Variants in SUPT16H observed in about 807,000 individuals in gnomAD.
The protein encoded by SUPT16H is FACT complex subunit SPT16.
A neutral mutation model predicts 136.2 loss-of-function variants in SUPT16H; 24 were observed. That is an observed-to-expected ratio of 0.18 (90% confidence interval 0.13 to 0.25). SUPT16H has a LOEUF of 0.25. Ranked by LOEUF, SUPT16H falls within the 10% of genes least tolerant of loss-of-function variation. The probability of loss-of-function intolerance (pLI) is 1.00; values close to 1 mark genes in which losing one functional copy is unlikely to be tolerated. For missense variants in SUPT16H, 623 were observed against 1,270.2 expected, an observed-to-expected ratio of 0.49 and a Z score of 7.74; for synonymous variants, 415 against 428.2, an observed-to-expected ratio of 0.97 and a Z score of 0.38.
Position 21,366,513 on chromosome 14 carries a change from G to A in SUPT16H, c.972C>T (p.Asp324=), listed in dbSNP as rs770961799. ...KELRHGVKIC[D]VYNAVMDVVK... is the part of the protein sequence containing the mutation. ...CCACGTCCATGACAGCGTTATACAC[G>A]TCACATATCTTCACACCTAATAACA... Residue 324 remains aspartate (D), a synonymous_variant, in exon 8 of 26, where the codon GAC becomes GAT. Transcript: ENST00000216297. 2.7e-5 allele frequency: 43 copies of A among 1,613,672 alleles called. No individual in the cohort carries two copies. The Admixed American group carries it at 5.8e-4, about 22-fold the overall frequency.
At chr14:21,376,251 GT>G (rs1886899221) in intron 1 of SUPT16H, among the ~76,000 whole-genome samples, 1 of 152,138 alleles carries the variant, frequency 6.6e-6, no homozygotes, top group Non-Finnish European at 1.5e-5. Context: ...GTACCGTGAT[GT>G]TTTGATTACT....
intron 22 of SUPT16H, 53 bp downstream of exon 22, chr14:21,357,144 C>T: frequency 1.4e-6 from 2 of 1,464,432 alleles, no homozygotes; most frequent in Non-Finnish European, 1.8e-6. Context: ...CATTCAAATT[C>T]TATAAAACAG....
At position 21,352,668 on chromosome 14, in the gene SUPT16H, A is replaced by C. The variant is rs763643586; in HGVS notation, c.*5T>G. The C allele has an allele frequency of 6.2e-7, 1 of 1,614,100 alleles. No homozygotes were observed. The highest frequency in any genetic ancestry group is 1.7e-4 in the Middle Eastern group (1 of 5,980). On this transcript the variant is annotated 3_prime_UTR_variant, in exon 26 of 26. Coordinates refer to ENST00000216297, the MANE Select transcript of SUPT16H (RefSeq NM_007192.4). Reference sequence around the variant, plus strand: ...AGAATGGAGCTCAGGGCCAAAGTTCAGAAGTTACTTCCTCTTTTTCTTGGG... The same window carrying C: ...AGAATGGAGCTCAGGGCCAAAGTTCCGAAGTTACTTCCTCTTTTTCTTGGG...
Position 21,366,598 on chromosome 14 carries a change from C to T in SUPT16H, c.956-69G>A, listed in dbSNP as rs79947883. The T allele has an allele frequency of 4.6e-3, 6,624 of 1,425,306 alleles. 256 individuals are homozygous for T. The African/African-American group carries it at 0.081, about 17-fold the overall frequency. 88.3% of individuals were successfully genotyped at this position (1,425,306 alleles called of 1,614,324 possible). The stretch of plus-strand genomic sequence containing the variant: ...AAAAAACTCAGTAACATTTTAAAAT[C>T]AAAATTTATGTCCCCTAAAGCAGTG... On this transcript the variant is annotated intron_variant, in intron 7 of 25. Coordinates refer to ENST00000216297, the MANE Select transcript of SUPT16H (RefSeq NM_007192.4).
At chr14:21,362,415 A>G in intron 14 of SUPT16H, 91 bp from the exon 15 acceptor site, 1 of 1,289,644 alleles carries the variant, frequency 7.8e-7, no homozygotes, top group Non-Finnish European at 1.1e-6. Context: ...GGAGTTACAA[A>G]TTGACCGCTC....
rs796495744 is a variant in SUPT16H at position 21,368,534 on chromosome 14, C to T, written c.783-93G>A. 7.1e-5 allele frequency: 96 copies of T among 1,349,530 alleles called. No individual in the cohort carries two copies. In the African/African-American group the frequency reaches 1.4e-3, roughly 19 times the overall value. The allele number at this position is 1,349,530 out of a possible 1,614,324, so 83.6% of individuals were successfully genotyped here. A position where few individuals can be genotyped will look rare whatever the true frequency, so the allele number is the denominator to read the frequency against. ...CACGGTATCAATAATCATTACTTTT[C>T]CCTGCCATATCCCAAAGCTGTGGCT... On this transcript the variant is annotated intron_variant, in intron 6 of 25. Transcript: ENST00000216297.
intron 7 of SUPT16H, among the ~76,000 whole-genome samples, chr14:21,367,107 A>T (rs974788904): frequency 6.6e-6 from 1 of 151,926 alleles, no homozygotes; most frequent in Non-Finnish European, 1.5e-5. Flanking sequence ...CGCCCGGCTA[A>T]TTTTTTTGTA....
intron 10 of SUPT16H, among the ~76,000 whole-genome samples, 169 bp from the exon 11 acceptor site, chr14:21,363,672 A>G (rs1206600836): frequency 6.6e-6 from 1 of 151,810 alleles, no homozygotes; most frequent in Non-Finnish European, 1.5e-5. Flanking sequence ...AGGAGCTACA[A>G]TTTTTTTTCT....
At chr14:21,357,424 T>C in intron 21 of SUPT16H, 58 bp from the exon 22 acceptor site, 1 of 1,442,224 alleles carries the variant, frequency 6.9e-7, no homozygotes, top group Admixed American at 2.5e-5. Flanking sequence ...GCAATAATAT[T>C]TCAAATAACT....
chr14:21,375,329 G>A (rs1886878049), intron 1 of SUPT16H, among the ~76,000 whole-genome samples: 2 of 152,002 alleles, frequency 1.3e-5, no homozygotes, highest in South Asian at 4.1e-4. Context: ...CTGTAGTTTT[G>A]ATTTCATTTC....
intron 22 of SUPT16H, among the ~76,000 whole-genome samples, chr14:21,356,666 A>C (rs781248127): frequency 6.6e-6 from 1 of 152,200 alleles, no homozygotes; most frequent in Non-Finnish European, 1.5e-5. Flanking sequence ...CCTGAATCCA[A>C]GAGTTTGAGG....
chr14:21,370,787 T>C (rs569374286), intron 3 of SUPT16H, among the ~76,000 whole-genome samples: 1 of 151,214 alleles, frequency 6.6e-6, no homozygotes, highest in East Asian at 2.0e-4. Flanking sequence ...ATAAATTTTT[T>C]TTTTTTTTTG....
intron 1 of SUPT16H, among the ~76,000 whole-genome samples, chr14:21,381,608 AT>A (rs10607680): frequency 0.049 from 7,325 of 148,548 alleles, 582 homozygotes; most frequent in African/African-American, 0.17. Context: ...CTTGGGATTT[AT>A]TTTTTTTTTT....
chr14:21,360,698 A>G (rs1886532657), intron 17 of SUPT16H, 148 bp downstream of exon 17: 2 of 1,307,270 alleles, frequency 1.5e-6, no homozygotes, highest in Non-Finnish European at 2.1e-6. Context: ...TCCTCCCAGC[A>G]TTTCCTTGTC....
In SUPT16H at chr14:21,357,238, G is replaced by A; in HGVS notation, c.2619C>T (p.Ala873=). ...DYSKKVTMIN[A]IPVASLDPIK... is the part of the protein sequence containing the mutation. ...TGGGGTCAAGAGAGGCTACAGGAAT[G>A]GCGTTGATCATGGTCACTTTCTTGC... is the stretch of plus-strand genomic sequence containing the variant. Residue 873 remains alanine, a synonymous_variant, in exon 22 of 26, where the codon GCC becomes GCT. Coordinates refer to ENST00000216297, the MANE Select transcript of SUPT16H (RefSeq NM_007192.4). The A allele has an allele frequency of 6.2e-7, 1 of 1,611,802 alleles. No homozygotes were observed. Among genetic ancestry groups the A allele is most frequent in the South Asian group, 1.1e-5 (1 of 90,650 alleles).
chr14:21,372,536 G>C, intron 2 of SUPT16H: 1 of 334,604 alleles, frequency 3.0e-6, no homozygotes, highest in Non-Finnish European at 5.8e-6. Flanking sequence ...GGTAGTGTGT[G>C]GAGCTTCAAG....
chr14:21,366,216 T>TGG (rs1032125496), intron 8 of SUPT16H, among the ~76,000 whole-genome samples: 4 of 152,238 alleles, frequency 2.6e-5, no homozygotes. Flanking sequence ...GGAAAACCTA[T>TGG]GGGCTGGAAC....
chr14:21,382,508 T>C (rs916869177), intron 1 of SUPT16H, among the ~76,000 whole-genome samples: 5 of 152,226 alleles, frequency 3.3e-5, no homozygotes, highest in Admixed American at 2.0e-4. Flanking sequence ...TGAAATTATT[T>C]GATGAATCTG....
At chr14:21,373,244 C>T in intron 2 of SUPT16H, 94 bp downstream of exon 2, 1 of 1,046,840 alleles carries the variant, frequency 9.6e-7, no homozygotes, top group South Asian at 1.3e-5. Context: ...CCGCAGCCAG[C>T]CAGGAATTTA....
Sources: gnomAD v4.1 joint callset for allele counts (sites outside exome capture counted in the v4.1 genomes callset) on GRCh38, gnomAD v4.1.1 for gene constraint, MANE v1.5 for transcripts, NCBI Gene and HGNC (gene_info 2026-07-23, HGNC 2026-07-21) for gene names.